The following CFAP299 variants were observed in gnomAD, a reference collection of about 807,000 sequenced individuals.
CFAP299 encodes the protein cilia- and flagella-associated protein 299.
In CFAP299, 21 loss-of-function variants were observed where a neutral mutation model predicts 27.0. That is an observed-to-expected ratio of 0.78 (90% CI 0.55 to 1.12). The LOEUF is 1.12. CFAP299 is among the 50% of genes most tolerant of loss of function. CFAP299 has a pLI of 0.00. For synonymous variants in CFAP299, 104 were observed against 98.1 expected (o/e 1.06, Z -0.36); for missense variants, 310 against 276.6 (o/e 1.12, Z -0.86).
intron 3 of CFAP299, among the ~76,000 whole-genome samples, chr4:80,856,852 T>C (rs1731931320): frequency 6.6e-6 from 1 of 152,092 alleles, no homozygotes; most frequent in Admixed American, 6.5e-5. Flanking sequence ...CCTCCAGCTT[T>C]GTTCTTTTGG....
At chr4:80,882,443 C>T (rs1294015548) in intron 4 of CFAP299, among the ~76,000 whole-genome samples, 1 of 151,978 alleles carries the variant, frequency 6.6e-6, no homozygotes, top group Non-Finnish European at 1.5e-5. Context: ...TCGAGACCAT[C>T]CTGGCTAACA....
intron 3 of CFAP299, among the ~76,000 whole-genome samples, chr4:80,813,658 A>G (rs1440862474): frequency 2.6e-5 from 4 of 152,026 alleles, no homozygotes; most frequent in African/African-American, 9.7e-5. Flanking sequence ...CAGAATTCAG[A>G]AGTTTAAGAA....
In CFAP299 at chr4:80,832,570, G is replaced by A. The variant is rs544000593; in HGVS notation, c.334-37423G>A. ...ATTAAATTTTCATATAAACGTAAAA[G>A]TTCTGGTTTTTCCTTAATTTGGCTT... On this transcript the variant is annotated intron_variant, in intron 3 of 5. Transcript: ENST00000358105. Among the ~76,000 whole-genome samples the A allele has an allele frequency of 4.6e-5, 7 of 152,016 alleles. No individual in the cohort carries two copies. In the East Asian group the frequency reaches 1.4e-3, roughly 29 times the overall value.
intron 2 of CFAP299, among the ~76,000 whole-genome samples, chr4:80,483,344 T>C (rs1302643382): frequency 6.6e-6 from 1 of 152,344 alleles, no homozygotes; most frequent in East Asian, 1.9e-4. Flanking sequence ...TAATTTATTA[T>C]AATAGCAGGA....
chr4:80,852,988 A>G (rs1009172556), intron 3 of CFAP299, among the ~76,000 whole-genome samples: 2 of 152,106 alleles, frequency 1.3e-5, no homozygotes, highest in Admixed American at 6.6e-5. Context: ...GCCCCTGCAA[A>G]CTAAGGAGAA....
intron 3 of CFAP299, among the ~76,000 whole-genome samples, chr4:80,764,260 AAAC>A (rs1447636010): frequency 6.6e-6 from 1 of 152,164 alleles, no homozygotes; most frequent in Non-Finnish European, 1.5e-5. Flanking sequence ...TTACAAGAAA[AAAC>A]AACTCCATCA....
chr4:80,702,362 G>T (rs1020921086), intron 3 of CFAP299, among the ~76,000 whole-genome samples: 43 of 151,926 alleles, frequency 2.8e-4, no homozygotes, highest in African/African-American at 7.9e-4. Context: ...CTATGGCACA[G>T]AAAATTTCTC....
At chr4:80,619,796 A>C (rs983734069) in intron 3 of CFAP299, among the ~76,000 whole-genome samples, 1 of 152,128 alleles carries the variant, frequency 6.6e-6, no homozygotes, top group African/African-American at 2.4e-5. Flanking sequence ...GACATATAAT[A>C]TATTGTGTCT....
At chr4:80,324,858 C>T in the CFAP299 span, among the ~76,000 whole-genome samples, 8 of 152,174 alleles carry the variant, frequency 5.3e-5, no homozygotes, top group Non-Finnish European at 1.0e-4. Context: ...AGTGGTGGCT[C>T]ATGCCTGTAA....
intron 4 of CFAP299, among the ~76,000 whole-genome samples, chr4:80,881,876 T>G (rs1276217890): frequency 6.6e-6 from 1 of 151,960 alleles, no homozygotes; most frequent in Non-Finnish European, 1.5e-5. Flanking sequence ...ATAGATGAAA[T>G]GTATGAGAAA....
chr4:80,445,148 A>G (rs2110090516), intron 2 of CFAP299, among the ~76,000 whole-genome samples: 1 of 152,178 alleles, frequency 6.6e-6, no homozygotes, highest in East Asian at 1.9e-4. Flanking sequence ...CAGAAATACC[A>G]TTTGACCCAG....
At chr4:80,907,204 T>A (rs1735226489) in intron 4 of CFAP299, among the ~76,000 whole-genome samples, 1 of 152,172 alleles carries the variant, frequency 6.6e-6, no homozygotes, top group Admixed American at 6.5e-5. Flanking sequence ...TCCCAACAAG[T>A]TTCTCATCTT....
At chr4:80,470,594 A>G (rs6823280) in intron 2 of CFAP299, among the ~76,000 whole-genome samples, 3 of 152,096 alleles carry the variant, frequency 2.0e-5, no homozygotes, top group African/African-American at 4.8e-5. Context: ...TTCGACTTCA[A>G]TTGGGGATGT....
At chr4:80,866,526 G>A (rs1732757206) in intron 3 of CFAP299, among the ~76,000 whole-genome samples, 1 of 152,018 alleles carries the variant, frequency 6.6e-6, no homozygotes, top group East Asian at 1.9e-4. Context: ...CTGTTGTTTT[G>A]TTTGTTTTTG....
At chr4:80,359,924 T>C (rs923376018) in intron 1 of CFAP299, among the ~76,000 whole-genome samples, 1 of 152,350 alleles carries the variant, frequency 6.6e-6, no homozygotes, top group Middle Eastern at 3.4e-3. Context: ...TCATCATTCT[T>C]GTGCTGATTC....
intron 3 of CFAP299, among the ~76,000 whole-genome samples, chr4:80,721,565 A>G (rs1420538240): frequency 6.6e-6 from 1 of 152,142 alleles, no homozygotes; most frequent in African/African-American, 2.4e-5. Flanking sequence ...TAAGTACTCT[A>G]TCTCTAAATA....
chr4:80,711,643 C>A (rs1722179818), intron 3 of CFAP299, among the ~76,000 whole-genome samples: 1 of 152,078 alleles, frequency 6.6e-6, no homozygotes, highest in African/African-American at 2.4e-5. Context: ...AGTAGCAGGG[C>A]CAGGGTCCTA....
intron 3 of CFAP299, among the ~76,000 whole-genome samples, chr4:80,719,392 T>A (rs1269325283): frequency 1.3e-5 from 2 of 152,196 alleles, no homozygotes; most frequent in Non-Finnish European, 2.9e-5. Flanking sequence ...TTTTTGTTTC[T>A]CTTGGGTCTT....
intron 2 of CFAP299, among the ~76,000 whole-genome samples, chr4:80,468,416 G>A (rs1729818410): frequency 6.6e-6 from 1 of 151,646 alleles, no homozygotes; most frequent in Non-Finnish European, 1.5e-5. Flanking sequence ...TAGAGATGGG[G>A]TTTTCCCATG....
Sources: gnomAD v4.1 joint callset for allele counts (sites outside exome capture counted in the v4.1 genomes callset) on GRCh38, gnomAD v4.1.1 for gene constraint, MANE v1.5 for transcripts, NCBI Gene and HGNC (gene_info 2026-07-23, HGNC 2026-07-21) for gene names.